The following CATSPER3 variants were observed in gnomAD, a reference collection of about 807,000 sequenced individuals.
The protein encoded by CATSPER3 is cation channel sperm-associated protein 3.
Under a neutral mutation model 36.6 loss-of-function variants are expected in CATSPER3, and 23 were observed. That is an observed-to-expected ratio of 0.63 (90% confidence interval 0.45 to 0.89). CATSPER3 has a LOEUF of 0.89. Ranked by LOEUF, CATSPER3 falls within the 40% of genes least tolerant of loss-of-function variation. The probability of loss-of-function intolerance (pLI) is 0.00; values close to 1 mark genes in which losing one functional copy is unlikely to be tolerated. For missense variants in CATSPER3, 474 were observed against 503.9 expected, an observed-to-expected ratio of 0.94 and a Z score of 0.57; for synonymous variants, 172 against 184.1, an observed-to-expected ratio of 0.93 and a Z score of 0.53.
chr5:134,978,077 C>G (rs548206185), intron 2 of CATSPER3, among the ~76,000 whole-genome samples: 1 of 152,274 alleles, frequency 6.6e-6, no homozygotes, highest in South Asian at 2.1e-4. Context: ...CACTGGGAAC[C>G]ACATTTCAAC....
chr5:135,007,987 T>C lies in CATSPER3; in HGVS notation c.523T>C (p.Tyr175His), dbSNP rs774390813. Residue 175 changes from tyrosine (Y) to histidine (H), a missense_variant, in exon 4 of 8, where the codon TAC becomes CAC. Physicochemically the swap from Tyr to His is moderately conservative, Grantham distance 83. Transcript: ENST00000282611. Reference protein sequence around the residue: ...TLITAVGQTVYTVASVLLLLF... With the variant: ...TLITAVGQTVHTVASVLLLLF... ...GATCACCGCCGTGGGGCAGACAGTC[T>C]ACACCGTGGCCTCTGTGCTCCTCCT... is the stretch of plus-strand genomic sequence containing the variant. The C allele has an allele frequency of 5.0e-6, 8 of 1,614,040 alleles. No homozygotes were observed. Among genetic ancestry groups the C allele is most frequent in the South Asian group, 1.1e-5 (1 of 91,090 alleles).
chr5:134,986,458 CT>C (rs61671231), intron 2 of CATSPER3, among the ~76,000 whole-genome samples: 3,474 of 116,590 alleles, frequency 0.03, 72 homozygotes, highest in African/African-American at 0.086. Flanking sequence ...ACAGCATACC[CT>C]TTTTTTTTTT....
intron 2 of CATSPER3, among the ~76,000 whole-genome samples, chr5:134,980,180 C>T (rs1372415302): frequency 1.3e-5 from 2 of 151,866 alleles, no homozygotes. Context: ...TGGGGTCTCA[C>T]TATGTTGCCT....
At chr5:134,981,569 A>G (rs149563263) in intron 2 of CATSPER3, among the ~76,000 whole-genome samples, 57 of 152,328 alleles carry the variant, frequency 3.7e-4, no homozygotes, top group African/African-American at 1.4e-3. Context: ...ATCACACACA[A>G]CAAAGAATAT....
chr5:134,978,968 C>T (rs565343196), intron 2 of CATSPER3, among the ~76,000 whole-genome samples: 18 of 152,024 alleles, frequency 1.2e-4, no homozygotes, highest in East Asian at 1.9e-4. Context: ...GTGATCTGCC[C>T]GCCTCGGCCT....
chr5:135,009,427 G>A lies in CATSPER3; in HGVS notation c.873G>A (p.Met291Ile). The A allele has an allele frequency of 1.2e-6, 2 of 1,612,786 alleles. No homozygotes were observed. Among genetic ancestry groups the A allele is most frequent in the Non-Finnish European group, 1.7e-6 (2 of 1,179,050 alleles). The change falls in exon 6 of 8, where the codon ATG (methionine) becomes ATA (isoleucine). Residue 291 changes from methionine (M) to isoleucine (I), a missense_variant. Coordinates refer to ENST00000282611, the MANE Select transcript of CATSPER3 (RefSeq NM_178019.3). ...ELMLEQQEML[M>I]GEKQVILQRQ... ...TGTTGGAGCAGCAGGAGATGCTCAT[G>A]GGAGAGAAGCAGGTGATTCTGCAGC... is the stretch of plus-strand genomic sequence containing the variant.
intron 2 of CATSPER3, among the ~76,000 whole-genome samples, chr5:134,986,691 G>C (rs925820914): frequency 2.6e-5 from 4 of 152,152 alleles, no homozygotes; most frequent in Admixed American, 6.5e-5. Flanking sequence ...TCGAACTCCT[G>C]ACCTCAGGTG....
At chr5:134,996,817 A>C (rs1312184975) in intron 3 of CATSPER3, among the ~76,000 whole-genome samples, 2 of 152,150 alleles carry the variant, frequency 1.3e-5, no homozygotes, top group Non-Finnish European at 2.9e-5. Context: ...CCTCTCTCTC[A>C]TGCTGCAAAG....
At chr5:134,999,227 T>A (rs1377628002) in intron 3 of CATSPER3, among the ~76,000 whole-genome samples, 1 of 152,172 alleles carries the variant, frequency 6.6e-6, no homozygotes, top group African/African-American at 2.4e-5. Flanking sequence ...TGGTTGTAGT[T>A]GTGTGGTATT....
At position 134,996,528 on chromosome 5, in the gene CATSPER3, G is replaced by C. The variant is rs758920525; in HGVS notation, c.492+16G>C. On this transcript the variant is annotated intron_variant, in intron 3 of 7. Transcript: ENST00000282611. ...GGGCATCCGGGTGAGTGCACTGGGG[G>C]TGTCATGGTGCTGGGAGGGCAGGCC... The C allele has an allele frequency of 6.2e-7, 1 of 1,613,118 alleles. No individual in the cohort carries two copies. Among genetic ancestry groups the C allele is most frequent in the South Asian group, 1.1e-5 (1 of 91,056 alleles).
In CATSPER3 at chr5:134,985,117, T is replaced by C. The variant is rs565586011; in HGVS notation, c.253-11156T>C. Among the ~76,000 whole-genome samples the C allele has an allele frequency of 1.4e-4, 21 of 152,252 alleles. 1 individual carries two copies. The Middle Eastern group carries it at 0.02, about 148-fold the overall frequency. On this transcript the variant is annotated intron_variant, in intron 2 of 7. Transcript: ENST00000282611. The stretch of plus-strand genomic sequence containing the variant: ...TACAGTCATGAGTCACTGTGCCAGG[T>C]CTGCATGCATATGTTTATTGCAGTG...
chr5:134,983,221 A>G (rs937649127), intron 2 of CATSPER3, among the ~76,000 whole-genome samples: 3 of 152,246 alleles, frequency 2.0e-5, no homozygotes, highest in Admixed American at 2.0e-4. Context: ...ATTACTTTAA[A>G]TATAAATGGA....
At chr5:135,007,004 T>G (rs997116604) in intron 3 of CATSPER3, among the ~76,000 whole-genome samples, 2 of 152,196 alleles carry the variant, frequency 1.3e-5, no homozygotes, top group African/African-American at 4.8e-5. Context: ...CCCAGGGCTC[T>G]TGGACTGCCT....
chr5:134,970,806 A>C (rs1323896416), intron 2 of CATSPER3, among the ~76,000 whole-genome samples: 1 of 151,932 alleles, frequency 6.6e-6, no homozygotes, highest in Non-Finnish European at 1.5e-5. Context: ...TCCTGACCTC[A>C]AGTGAGCTGC....
At chr5:134,989,866 T>C (rs1343167351) in intron 2 of CATSPER3, among the ~76,000 whole-genome samples, 1 of 152,224 alleles carries the variant, frequency 6.6e-6, no homozygotes, top group Non-Finnish European at 1.5e-5. Flanking sequence ...CTCACTAAGA[T>C]TAATTATTTC....
intron 2 of CATSPER3, among the ~76,000 whole-genome samples, chr5:134,979,118 C>T (rs946132479): frequency 6.6e-6 from 1 of 151,924 alleles, no homozygotes; most frequent in African/African-American, 2.4e-5. Flanking sequence ...GAACCCTGGT[C>T]CTTGGTTCCA....
chr5:134,978,650 C>T (rs1312395884), intron 2 of CATSPER3, among the ~76,000 whole-genome samples: 1 of 151,380 alleles, frequency 6.6e-6, no homozygotes, highest in Non-Finnish European at 1.5e-5. Context: ...CATGTAAAGA[C>T]TGGAAAGGAA....
intron 3 of CATSPER3, among the ~76,000 whole-genome samples, chr5:135,002,368 C>T (rs1244635357): frequency 6.6e-5 from 10 of 152,230 alleles, no homozygotes; most frequent in East Asian, 5.8e-4. Flanking sequence ...GTGGGTAACC[C>T]GACCTTTCTC....
intron 3 of CATSPER3, among the ~76,000 whole-genome samples, chr5:135,001,720 C>A (rs556663590): frequency 1.3e-5 from 2 of 152,272 alleles, no homozygotes; most frequent in East Asian, 3.9e-4. Flanking sequence ...TATGTAATGG[C>A]CTTCTTTGTC....
Sources: allele counts gnomAD v4.1 joint callset (sites outside exome capture counted in the v4.1 genomes callset), GRCh38; gene constraint gnomAD v4.1.1; transcripts MANE v1.5; gene names NCBI Gene and HGNC (gene_info 2026-07-23, HGNC 2026-07-21).